Variants in VWA8 observed in about 807,000 individuals in gnomAD.
VWA8 encodes the protein von Willebrand factor A domain containing 8.
Under a neutral mutation model 241.5 loss-of-function variants are expected in VWA8, and 221 were observed. That is an observed-to-expected ratio of 0.91 (90% CI 0.82 to 1.02). The LOEUF (loss-of-function observed/expected upper bound fraction) is 1.02, where lower values mean the gene tolerates loss of function less well. Among genes scored for constraint, VWA8 ranks in the 50% least tolerant of loss-of-function variants. The probability of loss-of-function intolerance (pLI) is 0.00; values close to 1 mark genes in which losing one functional copy is unlikely to be tolerated. For missense variants in VWA8, 2,322 were observed against 2,328.7 expected (o/e 1.00, Z 0.06); for synonymous variants, 852 against 827.1 (o/e 1.03, Z -0.52).
At chr13:41,626,002 T>C (rs1465071542) in intron 37 of VWA8, among the ~76,000 whole-genome samples, 3 of 147,578 alleles carry the variant, frequency 2.0e-5, no homozygotes, top group Admixed American at 7.0e-5. Context: ...AAACACCGCA[T>C]GTTCTCACTC....
intron 21 of VWA8, among the ~76,000 whole-genome samples, chr13:41,751,408 A>G (rs1337995192): frequency 2.0e-5 from 3 of 152,314 alleles, no homozygotes; most frequent in East Asian, 1.9e-4. Context: ...AGCGGCTGAC[A>G]TTGGACAGGG....
At chr13:41,793,307 C>A (rs1373411518) in intron 17 of VWA8, among the ~76,000 whole-genome samples, 2 of 152,064 alleles carry the variant, frequency 1.3e-5, no homozygotes, top group East Asian at 3.8e-4. Flanking sequence ...AATATCAAAC[C>A]TTGACATTCT....
At chr13:41,897,025 T>C (rs1451310037) in intron 4 of VWA8, among the ~76,000 whole-genome samples, 1 of 152,060 alleles carries the variant, frequency 6.6e-6, no homozygotes. Flanking sequence ...TGGCAAAAAA[T>C]TGTGGTAATT....
intron 14 of VWA8, among the ~76,000 whole-genome samples, chr13:41,826,069 C>T (rs1593797184): frequency 6.6e-6 from 1 of 152,056 alleles, no homozygotes; most frequent in East Asian, 1.9e-4. Context: ...CCTATTATAA[C>T]CCTAAAAAAG....
At chr13:41,669,982 C>T (rs963220657) in intron 37 of VWA8, among the ~76,000 whole-genome samples, 1 of 151,952 alleles carries the variant, frequency 6.6e-6, no homozygotes, top group African/African-American at 2.4e-5. Context: ...TCAAAATGTT[C>T]CTACAAGCTT....
chr13:41,893,100 A>C (rs1242443117), intron 4 of VWA8, among the ~76,000 whole-genome samples: 1 of 152,232 alleles, frequency 6.6e-6, no homozygotes, highest in East Asian at 1.9e-4. Context: ...TGTCCAAAAA[A>C]AGGATCTAAA....
chr13:41,731,546 C>T lies in VWA8; in HGVS notation c.2502+534G>A, dbSNP rs181029567. Reference sequence around the variant, plus strand: ...GAACAAAATAGGAAAACATGTTATCCTCCCAATAATTTGCATATATCCTCT... The same window carrying T: ...GAACAAAATAGGAAAACATGTTATCTTCCCAATAATTTGCATATATCCTCT... On this transcript the variant is annotated intron_variant, in intron 22 of 44. Transcript: ENST00000379310. Among the ~76,000 whole-genome samples, 8 of 152,194 alleles carry T rather than the reference C, an allele frequency of 5.3e-5. No homozygotes were observed. The East Asian group carries it at 1.5e-3, about 29-fold the overall frequency.
chr13:41,659,315 T>A (rs2044932653), intron 37 of VWA8, among the ~76,000 whole-genome samples: 1 of 152,240 alleles, frequency 6.6e-6, no homozygotes, highest in South Asian at 2.1e-4. Flanking sequence ...TGCATTGGTG[T>A]CTTAACAGCT....
At chr13:41,771,267 C>G (rs546378212) in intron 20 of VWA8, among the ~76,000 whole-genome samples, 25 of 152,214 alleles carry the variant, frequency 1.6e-4, no homozygotes, top group African/African-American at 5.5e-4. Flanking sequence ...GGATTACAGA[C>G]AAGTACCACC....
At chr13:41,643,122 C>A (rs932566927) in intron 37 of VWA8, among the ~76,000 whole-genome samples, 1 of 152,154 alleles carries the variant, frequency 6.6e-6, no homozygotes, top group African/African-American at 2.4e-5. Context: ...TGCTGCTCAG[C>A]CTCAAGTTAA....
chr13:41,761,096 T>C, intron 21 of VWA8, 32 bp downstream of exon 21: 1 of 1,590,864 alleles, frequency 6.3e-7, no homozygotes, highest in East Asian at 2.2e-5. Flanking sequence ...TTAAATGAGA[T>C]TTTTAAGAGG....
intron 12 of VWA8, chr13:41,864,605 TTA>T (rs1873202206): frequency 2.3e-6 from 1 of 442,640 alleles, no homozygotes; most frequent in South Asian, 1.6e-5. Context: ...ATGATTCCAT[TTA>T]TATGAGGTAC....
chr13:41,657,329 A>C (rs2044913534), intron 37 of VWA8, among the ~76,000 whole-genome samples: 1 of 151,668 alleles, frequency 6.6e-6, no homozygotes, highest in South Asian at 2.1e-4. Flanking sequence ...GAGCCAATAA[A>C]TTTCCTTTTG....
intron 21 of VWA8, among the ~76,000 whole-genome samples, chr13:41,732,473 G>C (rs1423140254): frequency 6.6e-6 from 1 of 150,454 alleles, no homozygotes; most frequent in African/African-American, 2.4e-5. Flanking sequence ...GGGTGAAGAC[G>C]AGAAACTAAA....
chr13:41,608,355 A>T (rs907373317), intron 39 of VWA8, among the ~76,000 whole-genome samples: 4 of 152,170 alleles, frequency 2.6e-5, no homozygotes, highest in Non-Finnish European at 5.9e-5. Context: ...TAGCCTCTGG[A>T]TCAAATGAGG....
chr13:41,690,497 A>G (rs2274811), intron 32 of VWA8, among the ~76,000 whole-genome samples: 27,418 of 151,968 alleles, frequency 0.18, 3,154 homozygotes, highest in East Asian at 0.34. Context: ...CAAAAATCCA[A>G]TGCTTCCTAT....
intron 13 of VWA8, among the ~76,000 whole-genome samples, chr13:41,831,934 T>C (rs1376325625): frequency 6.7e-6 from 1 of 149,378 alleles, no homozygotes; most frequent in African/African-American, 2.5e-5. Context: ...TCAGCATTTT[T>C]TTTTTCTTTT....
intron 37 of VWA8, among the ~76,000 whole-genome samples, chr13:41,637,672 C>T (rs967947912): frequency 1.3e-5 from 2 of 152,068 alleles, no homozygotes; most frequent in Non-Finnish European, 2.9e-5. Context: ...TTGGTATGTA[C>T]ATTTATAAAA....
At chr13:41,863,746 A>G (rs1421978800) in intron 12 of VWA8, among the ~76,000 whole-genome samples, 1 of 152,096 alleles carries the variant, frequency 6.6e-6, no homozygotes, top group Non-Finnish European at 1.5e-5. Context: ...GCATGTTCTC[A>G]TAAGTGGGAG....
Sources: allele counts gnomAD v4.1 joint callset (sites outside exome capture counted in the v4.1 genomes callset), GRCh38; gene constraint gnomAD v4.1.1; transcripts MANE v1.5; gene names NCBI Gene and HGNC (gene_info 2026-07-23, HGNC 2026-07-21).